NRG1: variants seen among roughly 807,000 people sequenced by gnomAD.
NRG1 encodes neuregulin 1.
In NRG1, 18 loss-of-function variants were observed where a neutral mutation model predicts 63.8. The observed-to-expected ratio is 0.28, with a 90% CI of 0.19 to 0.42. The LOEUF (loss-of-function observed/expected upper bound fraction) is 0.42, where lower values mean the gene tolerates loss of function less well. Among genes scored for constraint, NRG1 ranks in the 10% least tolerant of loss-of-function variants. NRG1 has a pLI of 1.00. For synonymous variants in NRG1, 302 were observed against 301.3 expected (o/e 1.00, Z -0.02); for missense variants, 762 against 814.7 (o/e 0.94, Z 0.79).
intron 1 of NRG1, among the ~76,000 whole-genome samples, chr8:31,712,395 A>G (rs558243737): frequency 6.6e-6 from 1 of 151,282 alleles, no homozygotes; most frequent in East Asian, 1.9e-4. Flanking sequence ...CAGCCTCCCA[A>G]GTAGCTGGGA....
In NRG1 at chr8:32,386,993, T is replaced by G. The variant is rs192373847; in HGVS notation, c.38-208835T>G. On this transcript the variant is annotated intron_variant, in intron 1 of 10. Coordinates refer to the NRG1 transcript ENST00000519301. ...AAAAAAAAATTGCTAGTTCAAAATGTCAGAGGCTGAGAACCAGGAATATGG... is the reference window on the plus strand; with the variant it reads ...AAAAAAAAATTGCTAGTTCAAAATGGCAGAGGCTGAGAACCAGGAATATGG... Among the ~76,000 whole-genome samples, 4 of 152,286 alleles carry G rather than the reference T, an allele frequency of 2.6e-5. No individual in the cohort carries two copies. The East Asian group carries it at 5.8e-4, about 22-fold the overall frequency.
chr8:31,798,826 A>G (rs888886951), intron 1 of NRG1, among the ~76,000 whole-genome samples: 1 of 151,992 alleles, frequency 6.6e-6, no homozygotes, highest in Non-Finnish European at 1.5e-5. Flanking sequence ...ACTGCTTTAA[A>G]CCACTCTTCT....
intron 1 of NRG1, among the ~76,000 whole-genome samples, chr8:32,008,513 T>C (rs915755342): frequency 6.6e-6 from 1 of 152,088 alleles, no homozygotes; most frequent in Non-Finnish European, 1.5e-5. Context: ...ATTTCAAATA[T>C]TAAATATTTT....
chr8:32,629,383 T>C (rs16879632), intron 5 of NRG1, among the ~76,000 whole-genome samples: 3,545 of 152,244 alleles, frequency 0.023, 58 homozygotes, highest in Middle Eastern at 0.1. Flanking sequence ...GAATTTTGGT[T>C]GATTTGTGTT....
At chr8:31,974,061 T>A (rs1807756885) in intron 1 of NRG1, among the ~76,000 whole-genome samples, 1 of 152,186 alleles carries the variant, frequency 6.6e-6, no homozygotes, top group Non-Finnish European at 1.5e-5. Flanking sequence ...AAACTTAACC[T>A]TGAGCGCTAG....
intron 1 of NRG1, among the ~76,000 whole-genome samples, chr8:32,187,280 C>A (rs534862056): frequency 6.6e-6 from 1 of 152,192 alleles, no homozygotes; most frequent in South Asian, 2.1e-4. Flanking sequence ...TTTGCCTGCC[C>A]ACCAATGCTG....
At chr8:32,748,609 G>T in intron 7 of NRG1, 1 of 425,286 alleles carries the variant, frequency 2.4e-6, no homozygotes, top group Non-Finnish European at 4.7e-6. Flanking sequence ...GCTGGCTCTT[G>T]GCTCATACCT....
chr8:31,853,981 A>C (rs57670801), intron 1 of NRG1, among the ~76,000 whole-genome samples: 22,561 of 147,606 alleles, frequency 0.15, 2,014 homozygotes, highest in Non-Finnish European at 0.19. Context: ...CATGGTGGAT[A>C]AGCTTTTTGA....
intron 1 of NRG1, among the ~76,000 whole-genome samples, chr8:31,940,325 T>G (rs1419579080): frequency 6.6e-6 from 1 of 151,922 alleles, no homozygotes; most frequent in Non-Finnish European, 1.5e-5. Context: ...GAAATCAAGA[T>G]GGAAATTAAA....
chr8:32,176,826 C>A (rs988371184), intron 1 of NRG1, among the ~76,000 whole-genome samples: 3 of 152,044 alleles, frequency 2.0e-5, no homozygotes, highest in Non-Finnish European at 4.4e-5. Context: ...AGTCAGGAAA[C>A]AACAGGTGCT....
chr8:31,879,713 C>G (rs810283), intron 1 of NRG1, among the ~76,000 whole-genome samples: 29,699 of 152,068 alleles, frequency 0.2, 4,210 homozygotes, highest in African/African-American at 0.4. Flanking sequence ...TCCTCCTACC[C>G]TCCACCCTCA....
At chr8:32,685,960 T>C (rs1202051565) in intron 5 of NRG1, among the ~76,000 whole-genome samples, 3 of 152,236 alleles carry the variant, frequency 2.0e-5, no homozygotes, top group African/African-American at 7.2e-5. Flanking sequence ...TTTCTAATTT[T>C]TGGAATACGT....
chr8:32,605,455 GGT>G (rs2129539463), intron 2 of NRG1, 105 bp from the exon 3 acceptor site: 2 of 1,249,262 alleles, frequency 1.6e-6, no homozygotes, highest in Non-Finnish European at 2.3e-6. Context: ...ATATGTATAA[GGT>G]GGGGAGAGGC....
At chr8:32,344,366 C>CTCTCTT (rs1804504168) in intron 1 of NRG1, among the ~76,000 whole-genome samples, 2 of 53,360 alleles carry the variant, frequency 3.7e-5, no homozygotes, top group African/African-American at 1.3e-4. Context: ...TTCTTTCTTT[C>CTCTCTT]TTTCTTTCTT....
intron 9 of NRG1, 110 bp downstream of exon 9, chr8:32,756,639 A>C: frequency 1.4e-6 from 2 of 1,406,644 alleles, no homozygotes; most frequent in Non-Finnish European, 1.9e-6. Context: ...ATTAATCACC[A>C]TGGCTTCCAG....
At chr8:32,357,598 G>T (rs942635581) in intron 1 of NRG1, among the ~76,000 whole-genome samples, 2 of 152,110 alleles carry the variant, frequency 1.3e-5, no homozygotes, top group Non-Finnish European at 2.9e-5. Flanking sequence ...TAATTGTGTG[G>T]CCATTTGTGC....
intron 1 of NRG1, among the ~76,000 whole-genome samples, chr8:32,270,052 C>T (rs573577407): frequency 3.8e-4 from 58 of 152,236 alleles, no homozygotes; most frequent in African/African-American, 1.3e-3. Context: ...AAATAACTTA[C>T]GAATACCCAT....
At chr8:31,761,311 G>T (rs1008160909) in intron 1 of NRG1, among the ~76,000 whole-genome samples, 2 of 151,994 alleles carry the variant, frequency 1.3e-5, no homozygotes, top group Non-Finnish European at 2.9e-5. Flanking sequence ...GTGGGGTGAG[G>T]GGAGTGGGGA....
chr8:32,372,938 C>T (rs535864308), intron 1 of NRG1, among the ~76,000 whole-genome samples: 2 of 152,290 alleles, frequency 1.3e-5, no homozygotes, highest in Non-Finnish European at 2.9e-5. Flanking sequence ...TGTGTCGATG[C>T]TGGATCATTT....
Sources: gnomAD v4.1 joint callset for allele counts (sites outside exome capture counted in the v4.1 genomes callset) on GRCh38, gnomAD v4.1.1 for gene constraint, MANE v1.5 for transcripts, NCBI Gene and HGNC (gene_info 2026-07-23, HGNC 2026-07-21) for gene names.